Variants in N4BP2L1 observed in about 807,000 individuals in gnomAD.
The protein encoded by N4BP2L1 is NEDD4 binding protein 2 like 1.
A neutral mutation model predicts 21.2 loss-of-function variants in N4BP2L1; 12 were observed. That is an observed-to-expected ratio of 0.57 (90% confidence interval 0.36 to 0.92). The LOEUF is 0.92. Ranked by LOEUF, N4BP2L1 falls within the 40% of genes least tolerant of loss-of-function variation. The probability of loss-of-function intolerance (pLI) is 0.01; values close to 1 mark genes in which losing one functional copy is unlikely to be tolerated. For synonymous variants in N4BP2L1, 104 were observed against 112.8 expected, an observed-to-expected ratio of 0.92 and a Z score of 0.49; for missense variants, 259 against 310.6, an observed-to-expected ratio of 0.83 and a Z score of 1.25.
At position 32,402,259 on chromosome 13, in the gene N4BP2L1, G is replaced by GTC. The variant is rs1315459787; in HGVS notation, c.*682_*683insGA. 1.2e-6 allele frequency: 1 copy of GTC among 808,122 alleles called. No homozygotes were observed. The highest frequency in any genetic ancestry group is 6.2e-5 in the Admixed American group (1 of 16,038). 50.1% of individuals were successfully genotyped at this position (808,122 alleles called of 1,614,324 possible). A position where few individuals can be genotyped will look rare whatever the true frequency, so the allele number is the denominator to read the frequency against. ...GAATAAAGTAGTAAAAACACAAGGC[G>GTC]TGACTTTAAATAATGACACTGATTT... On this transcript the variant is annotated 3_prime_UTR_variant, in exon 5 of 5. Transcript: ENST00000380130.
At chr13:32,429,591 C>T (rs206339), upstream of N4BP2L1, among the ~76,000 whole-genome samples, 31,906 of 152,168 alleles carry the variant, frequency 0.21, 3,644 homozygotes, top group South Asian at 0.39. Context: ...CTACTGCAAA[C>T]ACGCTGTGCC....
intron 1 of N4BP2L1, among the ~76,000 whole-genome samples, chr13:32,417,959 G>A (rs756338947): frequency 1.7e-4 from 26 of 152,208 alleles, no homozygotes; most frequent in Non-Finnish European, 3.4e-4. Context: ...AGAGGAAGCA[G>A]AGCACAAAAG....
chr13:32,403,569 T>G (rs1421776075), intron 4 of N4BP2L1: 1 of 436,306 alleles, frequency 2.3e-6, no homozygotes, highest in Admixed American at 2.7e-5. Context: ...GTCCCTGAGA[T>G]ATATTTCTAG....
At chr13:32,405,418 G>A (rs371055357) in intron 3 of N4BP2L1, among the ~76,000 whole-genome samples, 2 of 152,138 alleles carry the variant, frequency 1.3e-5, no homozygotes, top group Admixed American at 6.5e-5. Context: ...GCTGACACAC[G>A]AGAATTGCTT....
intron 1 of N4BP2L1, among the ~76,000 whole-genome samples, chr13:32,422,216 C>T (rs1017231206): frequency 6.6e-6 from 1 of 151,974 alleles, no homozygotes; most frequent in Admixed American, 6.6e-5. Context: ...GCTTCCTTAC[C>T]CTGACAATTG....
intron 4 of N4BP2L1, 96 bp downstream of exon 4, chr13:32,404,225 A>G (rs2073332504): frequency 6.3e-7 from 1 of 1,587,992 alleles, no homozygotes. Context: ...GAAAACTACC[A>G]TGTCCATTTC....
At chr13:32,420,837 G>T (rs1468753383) in intron 1 of N4BP2L1, among the ~76,000 whole-genome samples, 1 of 152,142 alleles carries the variant, frequency 6.6e-6, no homozygotes, top group Non-Finnish European at 1.5e-5. Context: ...GGGATTACAG[G>T]CACCTGCCAC....
intron 1 of N4BP2L1, among the ~76,000 whole-genome samples, chr13:32,410,311 C>T (rs1050227494): frequency 6.6e-6 from 1 of 152,222 alleles, no homozygotes; most frequent in Non-Finnish European, 1.5e-5. Flanking sequence ...CAGGTCTCTT[C>T]ACAGACCGCG....
chr13:32,426,817 G>A (rs1489258949), intron 1 of N4BP2L1, among the ~76,000 whole-genome samples: 3 of 152,148 alleles, frequency 2.0e-5, no homozygotes, highest in East Asian at 3.9e-4. Flanking sequence ...ACTTACAGAA[G>A]GATAAGAAAA....
chr13:32,405,293 T>C (rs2073407679), intron 3 of N4BP2L1, among the ~76,000 whole-genome samples: 1 of 152,104 alleles, frequency 6.6e-6, no homozygotes, highest in South Asian at 2.1e-4. Context: ...GTGAATCACT[T>C]CAGCTCAGGA....
Position 32,402,611 on chromosome 13 carries a change from T to C in N4BP2L1, c.*331A>G, listed in dbSNP as rs879610071. 2 of 1,028,870 alleles carry C rather than the reference T, an allele frequency of 1.9e-6. No individual in the cohort carries two copies. The highest frequency in any genetic ancestry group is 2.3e-6 in the Non-Finnish European group (2 of 857,238). 63.7% of individuals were successfully genotyped at this position (1,028,870 alleles called of 1,614,324 possible). A position where few individuals can be genotyped will look rare whatever the true frequency, so the allele number is the denominator to read the frequency against. ...TAGATCACTTCAGAGCAAATGGTAC[T>C]GAAGCTTATATATAATATAAACACT... On this transcript the variant is annotated 3_prime_UTR_variant, in exon 5 of 5. Transcript: ENST00000380130.
chr13:32,421,941 T>G (rs1056180642), intron 1 of N4BP2L1, among the ~76,000 whole-genome samples: 1 of 152,128 alleles, frequency 6.6e-6, no homozygotes, highest in African/African-American at 2.4e-5. Context: ...GAAACTGCCA[T>G]GAAGGAACTA....
intron 1 of N4BP2L1, among the ~76,000 whole-genome samples, chr13:32,426,948 G>A (rs954960086): frequency 3.9e-5 from 6 of 152,224 alleles, no homozygotes; most frequent in African/African-American, 1.4e-4. Flanking sequence ...AAAAGAAGGC[G>A]GGAGGGCAAG....
chr13:32,410,445 A>G (rs997986256), intron 1 of N4BP2L1, among the ~76,000 whole-genome samples: 2 of 152,260 alleles, frequency 1.3e-5, no homozygotes, highest in Non-Finnish European at 2.9e-5. Flanking sequence ...GATGGAAGGA[A>G]GAGCAAAGAA....
At position 32,403,128 on chromosome 13, in the gene N4BP2L1, A is replaced by G; in HGVS notation, c.546T>C (p.Phe182=). The change falls in exon 5 of 5, where the codon TTT becomes TTC. Residue 182 remains phenylalanine (F), a synonymous_variant. Coordinates refer to ENST00000380130, the MANE Select transcript of N4BP2L1 (RefSeq NM_052818.3). ...MKERYEHDVT[F]HSVLHAEKPS... Reference sequence around the variant, plus strand: ...GCTTTTCTGCATGAAGCACACTGTGAAAAGTAACATCGTGTTCATACCGTT... The same window carrying G: ...GCTTTTCTGCATGAAGCACACTGTGGAAAGTAACATCGTGTTCATACCGTT... 6.2e-7 allele frequency: 1 copy of G among 1,614,156 alleles called. No homozygotes were observed. The highest frequency in any genetic ancestry group is 8.5e-7 in the Non-Finnish European group (1 of 1,180,014).
intron 1 of N4BP2L1, chr13:32,425,726 T>G (rs947403070): frequency 3.3e-5 from 5 of 152,162 alleles, no homozygotes; most frequent in African/African-American, 1.2e-4. Flanking sequence ...GTCAGAGCTC[T>G]TTAACATAGC....
intron 1 of N4BP2L1, among the ~76,000 whole-genome samples, chr13:32,418,611 C>T (rs1324252236): frequency 1.3e-5 from 2 of 152,228 alleles, no homozygotes; most frequent in East Asian, 3.9e-4. Context: ...TGACAGCTTG[C>T]AGCTTGTGCC....
chr13:32,424,647 T>C (rs2137996766), intron 1 of N4BP2L1, among the ~76,000 whole-genome samples: 1 of 152,316 alleles, frequency 6.6e-6, no homozygotes, highest in South Asian at 2.1e-4. Flanking sequence ...TTTCTTAGGA[T>C]GAATTCCTGG....
chr13:32,428,975 T>G (rs1056757602), upstream of N4BP2L1, among the ~76,000 whole-genome samples: 11 of 152,156 alleles, frequency 7.2e-5, no homozygotes, highest in Admixed American at 1.3e-4. Flanking sequence ...CGTGACAGAG[T>G]GATCCTGTTT....
Sources: allele counts gnomAD v4.1 joint callset (sites outside exome capture counted in the v4.1 genomes callset), GRCh38; gene constraint gnomAD v4.1.1; transcripts MANE v1.5; gene names NCBI Gene and HGNC (gene_info 2026-07-23, HGNC 2026-07-21).